EIF4G3: variants seen among roughly 807,000 people sequenced by gnomAD.
EIF4G3 encodes the protein eIF-4-gamma 3.
Under a neutral mutation model 186.4 loss-of-function variants are expected in EIF4G3, and 34 were observed. That is an observed-to-expected ratio of 0.18 (90% CI 0.14 to 0.24). The LOEUF (loss-of-function observed/expected upper bound fraction) is 0.24, where lower values mean the gene tolerates loss of function less well. EIF4G3 is among the 10% of genes least tolerant of loss of function. The pLI, the probability that EIF4G3 is intolerant of heterozygous loss-of-function variation, is 1.00. For synonymous variants in EIF4G3, 673 were observed against 679.5 expected, an observed-to-expected ratio of 0.99 and a Z score of 0.15; for missense variants, 1,536 against 1,948.5, an observed-to-expected ratio of 0.79 and a Z score of 3.99.
At chr1:20,969,745 T>C in intron 11 of EIF4G3, 149 bp from the exon 12 acceptor site, 2 of 692,022 alleles carry the variant, frequency 2.9e-6, no homozygotes, top group Non-Finnish European at 4.7e-6. Flanking sequence ...CAATCACAGA[T>C]CCATCAGATA....
intron 10 of EIF4G3, among the ~76,000 whole-genome samples, chr1:20,976,699 C>T (rs1004421056): frequency 2.0e-5 from 3 of 152,120 alleles, no homozygotes; most frequent in African/African-American, 7.2e-5. Context: ...AGCACACTGC[C>T]TGTCTTCTAA....
intron 4 of EIF4G3, among the ~76,000 whole-genome samples, chr1:21,036,071 C>T (rs1025635680): frequency 6.6e-6 from 1 of 152,084 alleles, no homozygotes; most frequent in African/African-American, 2.4e-5. Flanking sequence ...AAGCCACCTG[C>T]TCCAGGGCCT....
At chr1:20,806,424 C>T (rs563263591), downstream of EIF4G3, 4 of 152,648 alleles carry the variant, frequency 2.6e-5, no homozygotes, top group African/African-American at 9.7e-5. Context: ...AGACAGCACC[C>T]CCAGGAATGG....
intron 12 of EIF4G3, among the ~76,000 whole-genome samples, chr1:20,965,360 C>T (rs1363648511): frequency 6.6e-6 from 1 of 152,196 alleles, no homozygotes; most frequent in Non-Finnish European, 1.5e-5. Context: ...CTCTCCCTTA[C>T]ATCTGGAGAA....
At chr1:20,978,030 C>T (rs2077195608) in intron 10 of EIF4G3, among the ~76,000 whole-genome samples, 1 of 152,126 alleles carries the variant, frequency 6.6e-6, no homozygotes, top group East Asian at 1.9e-4. Context: ...CCCTTTGCAA[C>T]ACAGAAATTA....
chr1:21,021,242 C>A (rs1195633081), intron 4 of EIF4G3, among the ~76,000 whole-genome samples: 5 of 152,208 alleles, frequency 3.3e-5, no homozygotes, highest in Non-Finnish European at 5.9e-5. Context: ...CCTCAGCCCC[C>A]CAAAGTGCTG....
chr1:21,061,178 G>T (rs1314533016), intron 3 of EIF4G3, among the ~76,000 whole-genome samples: 1 of 152,056 alleles, frequency 6.6e-6, no homozygotes, highest in Non-Finnish European at 1.5e-5. Context: ...AAAATGCTTG[G>T]TACCAGAAGT....
intron 15 of EIF4G3, among the ~76,000 whole-genome samples, 153 bp from the exon 16 acceptor site, chr1:20,900,096 T>A (rs1202701296): frequency 6.6e-6 from 1 of 151,956 alleles, no homozygotes; most frequent in Non-Finnish European, 1.5e-5. Flanking sequence ...ATGCTGAGTT[T>A]AAAAAAAATA....
At chr1:20,861,052 T>C (rs1397533483) in intron 23 of EIF4G3, among the ~76,000 whole-genome samples, 1 of 152,218 alleles carries the variant, frequency 6.6e-6, no homozygotes, top group Non-Finnish European at 1.5e-5. Context: ...CCTTTGGTTA[T>C]CCCCTGTATT....
chr1:20,960,682 C>T (rs1229514076), intron 12 of EIF4G3, among the ~76,000 whole-genome samples: 3 of 152,000 alleles, frequency 2.0e-5, no homozygotes, highest in African/African-American at 7.2e-5. Flanking sequence ...TTGCTTGAGC[C>T]CAGGATGTCA....
At chr1:21,027,809 C>T (rs537147739) in intron 4 of EIF4G3, among the ~76,000 whole-genome samples, 6 of 152,174 alleles carry the variant, frequency 3.9e-5, no homozygotes, top group East Asian at 3.9e-4. Context: ...TAAATGAAAA[C>T]GAGGTCTTAA....
At chr1:21,096,526 C>T (rs1038854179) in intron 2 of EIF4G3, among the ~76,000 whole-genome samples, 4 of 152,142 alleles carry the variant, frequency 2.6e-5, no homozygotes, top group African/African-American at 9.7e-5. Flanking sequence ...AATTTAATTG[C>T]CCACTGTGAA....
chr1:20,897,279 TTAAA>T (rs1442376929), intron 16 of EIF4G3, among the ~76,000 whole-genome samples: 1 of 152,090 alleles, frequency 6.6e-6, no homozygotes, highest in Non-Finnish European at 1.5e-5. Context: ...ATAATCCTCA[TTAAA>T]TAAATAACTT....
intron 3 of EIF4G3, among the ~76,000 whole-genome samples, chr1:21,055,479 A>C (rs2094521151): frequency 6.6e-6 from 1 of 152,130 alleles, no homozygotes; most frequent in African/African-American, 2.4e-5. Context: ...TTAAACTAAC[A>C]AAAGTAAGTT....
At chr1:21,007,123 T>C (rs565752524) in intron 4 of EIF4G3, among the ~76,000 whole-genome samples, 128 of 152,104 alleles carry the variant, frequency 8.4e-4, no homozygotes, top group African/African-American at 2.9e-3. Flanking sequence ...AGGTACCAGG[T>C]GTGGTGGCTC....
chr1:20,951,072 CTTTT>C (rs141279438), intron 12 of EIF4G3, among the ~76,000 whole-genome samples: 1 of 147,008 alleles, frequency 6.8e-6, no homozygotes, highest in Non-Finnish European at 1.5e-5. Flanking sequence ...TTTCTTTTTA[CTTTT>C]TTTTTTTCTG....
At chr1:20,834,072 C>T (rs1557838795) in intron 30 of EIF4G3, among the ~76,000 whole-genome samples, 1 of 152,136 alleles carries the variant, frequency 6.6e-6, no homozygotes, top group Non-Finnish European at 1.5e-5. Context: ...ATGGCAGTAG[C>T]AAGTCCTTAT....
intron 30 of EIF4G3, among the ~76,000 whole-genome samples, chr1:20,839,224 G>A (rs1265097971): frequency 4.6e-5 from 7 of 151,834 alleles, no homozygotes; most frequent in South Asian, 4.2e-4. Context: ...TGATCCACCC[G>A]CCTCGGCCTC....
At chr1:20,981,294 T>G in intron 8 of EIF4G3, 67 bp from the exon 9 acceptor site, 1 of 1,023,462 alleles carries the variant, frequency 9.8e-7, no homozygotes, top group Non-Finnish European at 1.4e-6. Context: ...AATTTTACTG[T>G]CTCCTTTTCT....
Sources: allele counts gnomAD v4.1 joint callset (sites outside exome capture counted in the v4.1 genomes callset), GRCh38; gene constraint gnomAD v4.1.1; transcripts MANE v1.5; gene names NCBI Gene and HGNC (gene_info 2026-07-23, HGNC 2026-07-21).